The following ERG variants were observed in gnomAD, a reference collection of about 807,000 sequenced individuals.
ERG encodes the protein transcriptional regulator ERG.
ERG carries 9 observed loss-of-function variants against 55.3 expected under a neutral mutation model. That is an observed-to-expected ratio of 0.16 (90% CI 0.10 to 0.28). The LOEUF (loss-of-function observed/expected upper bound fraction) is 0.28. Ranked by LOEUF, ERG falls within the 10% of genes least tolerant of loss-of-function variation. The probability of loss-of-function intolerance (pLI) is 1.00; values close to 1 mark genes in which losing one functional copy is unlikely to be tolerated. For synonymous variants in ERG, 223 were observed against 237.3 expected, an observed-to-expected ratio of 0.94 and a Z score of 0.55; for missense variants, 434 against 631.6, an observed-to-expected ratio of 0.69 and a Z score of 3.35.
intron 1 of ERG, among the ~76,000 whole-genome samples, chr21:38,447,099 C>T (rs190451630): frequency 4.8e-4 from 73 of 152,090 alleles, no homozygotes; most frequent in Non-Finnish European, 2.9e-5. Context: ...AAACAATCAC[C>T]CCCAACTCCA....
upstream of ERG, among the ~76,000 whole-genome samples, chr21:38,585,311 A>G (rs114294607): frequency 0.013 from 1,916 of 152,294 alleles, 42 homozygotes; most frequent in African/African-American, 0.043. Flanking sequence ...GCTGCTCAGA[A>G]CAGGGTAGTG....
chr21:38,386,860 G>C (rs952095874), intron 9 of ERG, among the ~76,000 whole-genome samples: 2 of 151,774 alleles, frequency 1.3e-5, no homozygotes, highest in African/African-American at 4.8e-5. Flanking sequence ...TTTTCTTAGG[G>C]TAATTACCAA....
At chr21:38,423,248 G>C (rs181111781) in intron 3 of ERG, among the ~76,000 whole-genome samples, 162 bp downstream of exon 3, 1 of 152,122 alleles carries the variant, frequency 6.6e-6, no homozygotes, top group African/African-American at 2.4e-5. Flanking sequence ...CCGTGAACAT[G>C]TCCTCATGCA....
At chr21:38,371,942 T>G in the ERG span, among the ~76,000 whole-genome samples, 2 of 152,054 alleles carry the variant, frequency 1.3e-5, no homozygotes, top group African/African-American at 4.8e-5. Flanking sequence ...CTTAAATATT[T>G]GATTGACCTA....
intron 1 of ERG, among the ~76,000 whole-genome samples, chr21:38,455,219 C>T (rs572641820): frequency 1.3e-5 from 2 of 151,414 alleles, no homozygotes; most frequent in African/African-American, 4.9e-5. Context: ...ATCCATAATG[C>T]TTTCTATGTT....
chr21:38,455,126 T>TTC (rs2058976485), intron 1 of ERG, among the ~76,000 whole-genome samples: 2 of 149,530 alleles, frequency 1.3e-5, no homozygotes, highest in South Asian at 2.1e-4. Flanking sequence ...TTCTTTTTTT[T>TTC]TTTTTTTACC....
intron 2 of ERG, among the ~76,000 whole-genome samples, chr21:38,437,364 G>A (rs982995772): frequency 3.9e-5 from 6 of 152,208 alleles, no homozygotes; most frequent in Non-Finnish European, 8.8e-5. Context: ...GCGCTGCCCT[G>A]TGTACTGCAG....
intron 1 of ERG, among the ~76,000 whole-genome samples, chr21:38,492,988 G>A (rs1356917999): frequency 6.6e-6 from 1 of 152,156 alleles, no homozygotes; most frequent in Non-Finnish European, 1.5e-5. Flanking sequence ...ATTCAGAGTT[G>A]TTATGGGTGT....
chr21:38,535,292 T>A (rs1345271095), intron 2 of ERG, among the ~76,000 whole-genome samples: 1 of 151,930 alleles, frequency 6.6e-6, no homozygotes, highest in Non-Finnish European at 1.5e-5. Context: ...ACACGGGGAG[T>A]GTTGATTGAC....
chr21:38,430,923 G>T (rs1346415997), intron 2 of ERG, among the ~76,000 whole-genome samples: 1 of 152,044 alleles, frequency 6.6e-6, no homozygotes, highest in Non-Finnish European at 1.5e-5. Flanking sequence ...CAGGAACACA[G>T]AAATAGTGTA....
chr21:38,654,441 C>T (rs1285228467), intron 1 of ERG, among the ~76,000 whole-genome samples: 1 of 152,240 alleles, frequency 6.6e-6, no homozygotes, highest in Admixed American at 6.5e-5. Flanking sequence ...CATTGCACTC[C>T]AGCCTGGGCA....
At chr21:38,593,041 G>A (rs2060110576) in intron 1 of ERG, among the ~76,000 whole-genome samples, 1 of 152,200 alleles carries the variant, frequency 6.6e-6, no homozygotes, top group Admixed American at 6.5e-5. Context: ...AGACGTTCTT[G>A]GACCCAAGGA....
chr21:38,638,051 T>A (rs1257818821), intron 1 of ERG, among the ~76,000 whole-genome samples: 1 of 152,138 alleles, frequency 6.6e-6, no homozygotes, highest in Non-Finnish European at 1.5e-5. Flanking sequence ...AGGTAAGGTG[T>A]GAAACACAGC....
At chr21:38,495,738 A>G (rs767946197) in intron 1 of ERG, among the ~76,000 whole-genome samples, 1 of 152,230 alleles carries the variant, frequency 6.6e-6, no homozygotes, top group Non-Finnish European at 1.5e-5. Context: ...GGCATTAAAA[A>G]AAAAGGAATC....
At chr21:38,630,184 G>A (rs1208635566) in intron 1 of ERG, among the ~76,000 whole-genome samples, 1 of 152,102 alleles carries the variant, frequency 6.6e-6, no homozygotes, top group Non-Finnish European at 1.5e-5. Context: ...AAATGATGTG[G>A]TGATGCTTGT....
intron 1 of ERG, among the ~76,000 whole-genome samples, chr21:38,652,410 G>A (rs1479798165): frequency 6.6e-6 from 1 of 152,164 alleles, no homozygotes; most frequent in African/African-American, 2.4e-5. Context: ...TTCCCAAAAA[G>A]GGACTCAAAG....
chr21:38,513,138 A>T (rs200895621), intron 2 of ERG, among the ~76,000 whole-genome samples: 2,165 of 151,734 alleles, frequency 0.014, 43 homozygotes, highest in African/African-American at 0.049. Context: ...TCAAAAAAAA[A>T]AATAATAATA....
intron 1 of ERG, among the ~76,000 whole-genome samples, chr21:38,579,042 T>C (rs715860): frequency 0.11 from 16,256 of 152,060 alleles, 983 homozygotes; most frequent in Non-Finnish European, 0.12. Flanking sequence ...CAAAATGGGT[T>C]TGGAAACTGA....
chr21:38,380,662 A>C lies in ERG; in HGVS notation c.*2741T>G. ...AGAGAGTTAATGCCATTTTGAAACA[A>C]TTTAAGAATTATGTATTTGAAGGAA... On this transcript the variant is annotated 3_prime_UTR_variant, in exon 10 of 10. Coordinates refer to ENST00000288319, the MANE Select transcript of ERG (RefSeq NM_182918.4). The C allele has an allele frequency of 9.4e-7, 1 of 1,065,022 alleles. No individual in the cohort carries two copies. Among genetic ancestry groups the C allele is most frequent in the Non-Finnish European group, 1.1e-6 (1 of 879,136 alleles). 66.0% of individuals were successfully genotyped at this position (1,065,022 alleles called of 1,614,324 possible).
Sources: allele counts gnomAD v4.1 joint callset (sites outside exome capture counted in the v4.1 genomes callset), GRCh38; gene constraint gnomAD v4.1.1; transcripts MANE v1.5; gene names NCBI Gene and HGNC (gene_info 2026-07-23, HGNC 2026-07-21).